RANBP2: variants seen among roughly 807,000 people sequenced by gnomAD.
RANBP2 encodes RAN binding protein 2, also known as E3 SUMO-protein ligase RanBP2.
In RANBP2, 57 loss-of-function variants were observed where a neutral mutation model predicts 303.6. The ratio of observed to expected loss-of-function variants is 0.19; its 90% CI spans 0.15 to 0.23. The LOEUF (loss-of-function observed/expected upper bound fraction) is 0.23. Among genes scored for constraint, RANBP2 ranks in the 10% least tolerant of loss-of-function variants. The pLI is 1.00. For missense variants in RANBP2, 3,138 were observed against 3,780.8 expected (o/e 0.83, Z 4.46); for synonymous variants, 1,167 against 1,301.5 (o/e 0.90, Z 2.23).
the RANBP2 span, among the ~76,000 whole-genome samples, chr2:109,493,418 ATGCAAACACAGACTACACACATG>A: frequency 1.5e-4 from 22 of 151,452 alleles, no homozygotes; most frequent in African/African-American, 1.7e-4. Context: ...CACATACATC[ATGCAAACACAGACTACACACATG>A]TGCAAACACA....
At chr2:109,170,773 C>A in the RANBP2 span, among the ~76,000 whole-genome samples, 4 of 152,210 alleles carry the variant, frequency 2.6e-5, no homozygotes, top group Non-Finnish European at 5.9e-5. Context: ...GTGCGGATGA[C>A]CCATCTGTTT....
At chr2:108,926,309 C>A in the RANBP2 span, among the ~76,000 whole-genome samples, 1 of 152,188 alleles carries the variant, frequency 6.6e-6, no homozygotes, top group South Asian at 2.1e-4. Context: ...AGCCCCCCAA[C>A]CCCTGTTCTA....
the RANBP2 span, among the ~76,000 whole-genome samples, chr2:109,101,069 G>A: frequency 1.3e-5 from 2 of 152,170 alleles, no homozygotes; most frequent in Non-Finnish European, 2.9e-5. Context: ...TGGGTTCAGA[G>A]TCAAGAACTA....
the RANBP2 span, among the ~76,000 whole-genome samples, chr2:109,140,802 C>T: frequency 6.6e-6 from 1 of 152,208 alleles, no homozygotes; most frequent in African/African-American, 2.4e-5. Context: ...GGTAACATCT[C>T]CTCTGTGTCC....
chr2:108,861,676 TCAC>T, the RANBP2 span, among the ~76,000 whole-genome samples: 2 of 152,074 alleles, frequency 1.3e-5, no homozygotes, highest in African/African-American at 4.8e-5. Context: ...AGACAGGGTT[TCAC>T]CATATTGGCC....
At chr2:109,005,600 T>C in the RANBP2 span, among the ~76,000 whole-genome samples, 1 of 152,230 alleles carries the variant, frequency 6.6e-6, no homozygotes, top group Non-Finnish European at 1.5e-5. Flanking sequence ...TGGCACGTAG[T>C]ACATACTGGT....
the RANBP2 span, among the ~76,000 whole-genome samples, chr2:109,499,346 G>A: frequency 1.3e-5 from 2 of 152,220 alleles, no homozygotes; most frequent in Non-Finnish European, 2.9e-5. Context: ...TCAGCCAGGG[G>A]TTTTTAGGCA....
the RANBP2 span, among the ~76,000 whole-genome samples, chr2:109,441,509 G>A: frequency 6.6e-6 from 1 of 152,196 alleles, no homozygotes; most frequent in African/African-American, 2.4e-5. Context: ...GGAACACAGA[G>A]ATAAAAGACA....
At chr2:108,989,819 G>C in the RANBP2 span, among the ~76,000 whole-genome samples, 1 of 151,726 alleles carries the variant, frequency 6.6e-6, no homozygotes. Flanking sequence ...AATGATTGGG[G>C]GGGGGAAAAC....
chr2:109,449,866 T>G, the RANBP2 span, among the ~76,000 whole-genome samples: 4 of 152,250 alleles, frequency 2.6e-5, no homozygotes, highest in Admixed American at 1.3e-4. Flanking sequence ...AATATACAAA[T>G]CTACGTGTGC....
At chr2:108,991,385 T>C in the RANBP2 span, among the ~76,000 whole-genome samples, 9 of 152,228 alleles carry the variant, frequency 5.9e-5, no homozygotes, top group Admixed American at 5.9e-4. Context: ...CAACAGGTTA[T>C]CAATAGCATT....
chr2:108,720,293 G>C (rs2912856), intron 1 of RANBP2: 1 of 732,370 alleles, frequency 1.4e-6, no homozygotes, highest in South Asian at 7.1e-5. Context: ...GCTCCACTCC[G>C]CTCCTCATAC....
At chr2:109,086,416 T>C in the RANBP2 span, among the ~76,000 whole-genome samples, 25 of 152,352 alleles carry the variant, frequency 1.6e-4, no homozygotes, top group Admixed American at 9.1e-4. Context: ...TGATCTCATG[T>C]AATTCTCCAA....
the RANBP2 span, among the ~76,000 whole-genome samples, chr2:109,480,212 C>T: frequency 2.6e-5 from 4 of 152,368 alleles, no homozygotes; most frequent in East Asian, 1.9e-4. Flanking sequence ...TGGCACCAAA[C>T]ATCTGTACTG....
chr2:108,957,266 G>A, the RANBP2 span, among the ~76,000 whole-genome samples: 11,710 of 152,206 alleles, frequency 0.077, 821 homozygotes, highest in African/African-American at 0.19. Context: ...CCTTCGCTTC[G>A]TGAGACAGAT....
At chr2:108,953,000 T>C in the RANBP2 span, among the ~76,000 whole-genome samples, 1 of 152,226 alleles carries the variant, frequency 6.6e-6, no homozygotes, top group East Asian at 1.9e-4. Context: ...AAACGTTTAA[T>C]TTTTGTGTGT....
At chr2:109,182,644 G>A in the RANBP2 span, among the ~76,000 whole-genome samples, 9 of 152,178 alleles carry the variant, frequency 5.9e-5, no homozygotes, top group Admixed American at 1.3e-4. Flanking sequence ...TGAATGAGTG[G>A]GTAAGTAATG....
the RANBP2 span, among the ~76,000 whole-genome samples, chr2:109,498,761 G>A: frequency 6.6e-6 from 1 of 152,242 alleles, no homozygotes; most frequent in African/African-American, 2.4e-5. Flanking sequence ...GATGGGGCTT[G>A]CAGACTGGTG....
chr2:109,123,412 G>A, the RANBP2 span, among the ~76,000 whole-genome samples: 144 of 134,658 alleles, frequency 1.1e-3, no homozygotes, highest in African/African-American at 3.9e-3. Context: ...CTGAAGCACA[G>A]TGCTCCCTGG....
Sources: gnomAD v4.1 joint callset for allele counts (sites outside exome capture counted in the v4.1 genomes callset) on GRCh38, gnomAD v4.1.1 for gene constraint, MANE v1.5 for transcripts, NCBI Gene and HGNC (gene_info 2026-07-23, HGNC 2026-07-21) for gene names.